The following PITPNC1 variants were observed in gnomAD, a reference collection of about 807,000 sequenced individuals.
PITPNC1 encodes the protein cytoplasmic phosphatidylinositol transfer protein 1.
PITPNC1 carries 18 observed loss-of-function variants against 44.7 expected under a neutral mutation model. The ratio of observed to expected loss-of-function variants is 0.40; its 90% confidence interval spans 0.28 to 0.60. The LOEUF is 0.60. PITPNC1 is among the 20% of genes least tolerant of loss of function. PITPNC1 has a pLI of 0.39. For missense variants in PITPNC1, 290 were observed against 418.4 expected, an observed-to-expected ratio of 0.69 and a Z score of 2.68; for synonymous variants, 141 against 149.6, an observed-to-expected ratio of 0.94 and a Z score of 0.42.
intron 8 of PITPNC1, among the ~76,000 whole-genome samples, chr17:67,688,193 C>T (rs1180667148): frequency 6.6e-6 from 1 of 151,432 alleles, no homozygotes; most frequent in African/African-American, 2.4e-5. Flanking sequence ...ACAAAATTAG[C>T]TGGGTGTGGT....
rs139868809 is a variant in PITPNC1, at chr17:67,512,039, G to A, written c.49-20763G>A. 3.3e-3 allele frequency among the ~76,000 whole-genome samples: 504 copies of A among 152,258 alleles called. 2 individuals carry two copies. The highest frequency in any genetic ancestry group is 0.012 in the African/African-American group (484 of 41,540). ...TCGCATTGCTGTTCTCTGCCTGCCA[G>A]GATGGAAAATCTATTCCTTCTCTTC... On this transcript the variant is annotated intron_variant, in intron 1 of 8. Transcript: ENST00000581322.
intron 4 of PITPNC1, among the ~76,000 whole-genome samples, chr17:67,569,660 G>A (rs117691011): frequency 1.3e-3 from 202 of 152,324 alleles, no homozygotes; most frequent in Middle Eastern, 3.4e-3. Flanking sequence ...GCAGGGAGCA[G>A]ATGGCAGCAA....
intron 8 of PITPNC1, among the ~76,000 whole-genome samples, chr17:67,679,903 T>C (rs1183919477): frequency 1.3e-5 from 2 of 152,204 alleles, no homozygotes; most frequent in East Asian, 1.9e-4. Flanking sequence ...GACAGTGTTT[T>C]GAGAAAGGAA....
intron 1 of PITPNC1, among the ~76,000 whole-genome samples, chr17:67,515,821 G>A (rs1321842361): frequency 1.3e-5 from 2 of 152,222 alleles, no homozygotes. Context: ...AAATCCAAAG[G>A]CAGGGACGTT....
chr17:67,506,655 C>T (rs999970821), intron 1 of PITPNC1, among the ~76,000 whole-genome samples: 10 of 152,006 alleles, frequency 6.6e-5, no homozygotes, highest in South Asian at 2.1e-4. Flanking sequence ...TTACTATACG[C>T]GATGTACTGC....
chr17:67,629,439 G>A (rs986348821), intron 5 of PITPNC1, among the ~76,000 whole-genome samples: 2 of 152,080 alleles, frequency 1.3e-5, no homozygotes, highest in Non-Finnish European at 2.9e-5. Flanking sequence ...TGCCCAGTAG[G>A]GACGGGGTTT....
intron 5 of PITPNC1, among the ~76,000 whole-genome samples, chr17:67,614,443 G>A (rs1391040952): frequency 6.6e-6 from 1 of 151,998 alleles, no homozygotes; most frequent in East Asian, 1.9e-4. Flanking sequence ...GGCCAAGGTG[G>A]GGAGTTTTGC....
intron 1 of PITPNC1, among the ~76,000 whole-genome samples, chr17:67,400,251 A>T (rs2038287256): frequency 6.6e-6 from 1 of 152,208 alleles, no homozygotes; most frequent in Non-Finnish European, 1.5e-5. Flanking sequence ...ATAGTCATAA[A>T]GGCTTAAGGA....
intron 5 of PITPNC1, among the ~76,000 whole-genome samples, chr17:67,584,940 C>A (rs1446230395): frequency 6.6e-6 from 1 of 151,882 alleles, no homozygotes; most frequent in Admixed American, 6.6e-5. Context: ...CATAGAGAAA[C>A]CCCATCTGTA....
At chr17:67,607,041 A>G (rs750256165) in intron 5 of PITPNC1, among the ~76,000 whole-genome samples, 38 of 152,270 alleles carry the variant, frequency 2.5e-4, no homozygotes, top group Non-Finnish European at 4.7e-4. Flanking sequence ...GACCTCCAGC[A>G]CGGGGAAAGT....
intron 4 of PITPNC1, among the ~76,000 whole-genome samples, chr17:67,559,181 T>G (rs1180134227): frequency 6.6e-6 from 1 of 152,214 alleles, no homozygotes; most frequent in African/African-American, 2.4e-5. Flanking sequence ...TCCCCGCACC[T>G]TCCCCTGAGT....
intron 6 of PITPNC1, among the ~76,000 whole-genome samples, chr17:67,661,025 AT>A (rs34870441): frequency 0.21 from 27,073 of 128,694 alleles, 3,022 homozygotes; most frequent in African/African-American, 0.35. Context: ...CGCCCAGCTA[AT>A]TTTTTTTTTT....
At chr17:67,502,441 T>G (rs1358150911) in intron 1 of PITPNC1, among the ~76,000 whole-genome samples, 1 of 152,096 alleles carries the variant, frequency 6.6e-6, no homozygotes, top group Non-Finnish European at 1.5e-5. Context: ...TTAAGGAGAT[T>G]GGAAAATTTA....
At chr17:67,486,743 CAGTT>C (rs759679061) in intron 1 of PITPNC1, among the ~76,000 whole-genome samples, 3 of 152,118 alleles carry the variant, frequency 2.0e-5, no homozygotes, top group Non-Finnish European at 4.4e-5. Flanking sequence ...TGAGAGCAGA[CAGTT>C]AGGGGCATCC....
intron 1 of PITPNC1, chr17:67,457,653 G>A (rs1165287754): frequency 6.6e-6 from 1 of 152,330 alleles, no homozygotes; most frequent in African/African-American, 2.4e-5. Context: ...CTCCTAAAGT[G>A]CTGCGATTAC....
intron 1 of PITPNC1, among the ~76,000 whole-genome samples, chr17:67,386,190 A>G (rs2038048640): frequency 6.6e-6 from 1 of 152,096 alleles, no homozygotes; most frequent in Non-Finnish European, 1.5e-5. Context: ...AAAAGAAATT[A>G]ATATACTTTA....
At chr17:67,636,154 C>A (rs768611956) in intron 6 of PITPNC1, among the ~76,000 whole-genome samples, 1 of 151,940 alleles carries the variant, frequency 6.6e-6, no homozygotes, top group Admixed American at 6.6e-5. Context: ...AAAAATTAGC[C>A]GGCCATGGTG....
At chr17:67,669,445 T>C (rs1036865471) in intron 6 of PITPNC1, 63 bp from the exon 7 acceptor site, 2 of 1,185,816 alleles carry the variant, frequency 1.7e-6, no homozygotes, top group African/African-American at 1.5e-5. Context: ...TACTTATTCC[T>C]GACATTTAAT....
At chr17:67,551,637 T>C (rs1324282260) in intron 2 of PITPNC1, among the ~76,000 whole-genome samples, 1 of 152,242 alleles carries the variant, frequency 6.6e-6, no homozygotes, top group Non-Finnish European at 1.5e-5. Flanking sequence ...TTTCATCTTG[T>C]GATCTTTAAA....
Sources: gnomAD v4.1 joint callset for allele counts (sites outside exome capture counted in the v4.1 genomes callset) on GRCh38, gnomAD v4.1.1 for gene constraint, MANE v1.5 for transcripts, NCBI Gene and HGNC (gene_info 2026-07-23, HGNC 2026-07-21) for gene names.